The following TMEM50B variants were observed in gnomAD, a reference collection of about 807,000 sequenced individuals.
The protein encoded by TMEM50B is transmembrane protein 50B.
In TMEM50B, 14 loss-of-function variants were observed where a neutral mutation model predicts 23.4. That is an observed-to-expected ratio of 0.60 (90% CI 0.39 to 0.93). The LOEUF is 0.93. TMEM50B is among the 40% of genes least tolerant of loss of function. TMEM50B has a pLI of 0.00. For missense variants in TMEM50B, 159 were observed against 193.0 expected (o/e 0.82, Z 1.04); for synonymous variants, 64 against 62.3 (o/e 1.03, Z -0.13).
chr21:33,457,118 G>C (rs771311880), intron 5 of TMEM50B, among the ~76,000 whole-genome samples: 2 of 151,786 alleles, frequency 1.3e-5, no homozygotes. Context: ...GCCAAGTGTG[G>C]TGGTGGATGG....
At chr21:33,459,436 T>C (rs1357746939) in intron 5 of TMEM50B, among the ~76,000 whole-genome samples, 3 of 151,992 alleles carry the variant, frequency 2.0e-5, no homozygotes, top group Non-Finnish European at 4.4e-5. Flanking sequence ...GAGACCAAGA[T>C]GGGTGGATCA....
chr21:33,447,351 G>A (rs569005804), downstream of TMEM50B, among the ~76,000 whole-genome samples: 16 of 86,742 alleles, frequency 1.8e-4, no homozygotes, highest in Admixed American at 3.5e-4. Context: ...AGTAGACTGA[G>A]GGGAGGACTG....
rs1008179902 is a variant in TMEM50B at position 33,450,593 on chromosome 21, C to T, written c.*225G>A. 5 of 401,856 alleles carry T rather than the reference C, an allele frequency of 1.2e-5. No homozygotes were observed. The highest frequency in any genetic ancestry group is 2.1e-5 in the African/African-American group (1 of 48,584). The allele number at this position is 401,856 out of a possible 1,614,324, so 24.9% of individuals were successfully genotyped here. A position where few individuals can be genotyped will look rare whatever the true frequency, so the allele number is the denominator to read the frequency against. The stretch of plus-strand genomic sequence containing the variant: ...AAATCTCAGGAATAAAAAACTGATA[C>T]TCATTATCCAATTCATATAGTCTTG... On this transcript the variant is annotated 3_prime_UTR_variant, in exon 7 of 7. Coordinates refer to ENST00000542230, the MANE Select transcript of TMEM50B (RefSeq NM_006134.7).
At chr21:33,437,348 C>G (rs2083966603) in intron 8 of TMEM50B, 2 of 228,126 alleles carry the variant, frequency 8.8e-6, no homozygotes. Flanking sequence ...GCCGGAGCCC[C>G]TTGGGCAGGT....
At chr21:33,457,827 C>T (rs1238452469) in intron 5 of TMEM50B, among the ~76,000 whole-genome samples, 2 of 152,114 alleles carry the variant, frequency 1.3e-5, no homozygotes, top group Non-Finnish European at 2.9e-5. Context: ...GAGGCTATCT[C>T]CCTACTCTGA....
At chr21:33,464,195 T>TA (rs2084242819) in intron 4 of TMEM50B, among the ~76,000 whole-genome samples, 1 of 127,316 alleles carries the variant, frequency 7.9e-6, no homozygotes, top group Admixed American at 8.3e-5. Flanking sequence ...TATTATAATG[T>TA]AAATTTTTTT....
At chr21:33,475,492 G>A (rs1854424391) in intron 1 of TMEM50B, among the ~76,000 whole-genome samples, 1 of 151,922 alleles carries the variant, frequency 6.6e-6, no homozygotes, top group Admixed American at 6.6e-5. Context: ...GATTACAGGG[G>A]CCCATCACCA....
At chr21:33,443,914 G>GT (rs1039657955) in intron 7 of TMEM50B, among the ~76,000 whole-genome samples, 13 of 151,932 alleles carry the variant, frequency 8.6e-5, no homozygotes, top group African/African-American at 2.4e-4. Context: ...TTGTTTGTTT[G>GT]TTTTTTTACA....
chr21:33,445,830 T>G (rs1202870371), downstream of TMEM50B, among the ~76,000 whole-genome samples: 2 of 152,104 alleles, frequency 1.3e-5, no homozygotes, highest in Non-Finnish European at 2.9e-5. Context: ...GAATCACTTA[T>G]TATTTCCAGG....
At chr21:33,465,245 A>T in intron 4 of TMEM50B, 97 bp downstream of exon 4, 1 of 782,472 alleles carries the variant, frequency 1.3e-6, no homozygotes, top group Non-Finnish European at 2.1e-6. Context: ...CTATATAATC[A>T]TTACCAGTCT....
chr21:33,458,071 C>T (rs1449542362), intron 5 of TMEM50B, among the ~76,000 whole-genome samples: 1 of 152,174 alleles, frequency 6.6e-6, no homozygotes, highest in Admixed American at 6.5e-5. Flanking sequence ...GCTGCTCATG[C>T]TGCTGGGTGA....
At chr21:33,469,574 T>TA (rs2084294050) in intron 1 of TMEM50B, 2 of 152,140 alleles carry the variant, frequency 1.3e-5, no homozygotes. Flanking sequence ...ACCAGTAGAG[T>TA]AGAGGAAGTG....
intron 5 of TMEM50B, 53 bp downstream of exon 5, chr21:33,460,360 T>C: frequency 2.6e-6 from 3 of 1,169,594 alleles, no homozygotes; most frequent in Admixed American, 1.8e-5. Context: ...AAGCCAAATA[T>C]AAAAGACATA....
chr21:33,464,420 G>A (rs892337420), intron 4 of TMEM50B, among the ~76,000 whole-genome samples: 22 of 150,360 alleles, frequency 1.5e-4, no homozygotes, highest in Non-Finnish European at 7.4e-5. Context: ...GGCTGGTCTC[G>A]AACTCCTGAC....
intron 1 of TMEM50B, chr21:33,469,682 T>C (rs1315718002): frequency 1.3e-5 from 2 of 152,160 alleles, no homozygotes; most frequent in Non-Finnish European, 2.9e-5. Context: ...TGGGCTACCA[T>C]GCTGTAAGGA....
At chr21:33,433,981 G>A (rs2284555) in intron 8 of TMEM50B, among the ~76,000 whole-genome samples, 88,459 of 151,526 alleles carry the variant, frequency 0.58, 27,822 homozygotes, top group East Asian at 0.82. Context: ...CCCACAGGGT[G>A]CTTAGGAGGG....
Position 33,479,895 on chromosome 21 carries a change from G to A in TMEM50B, c.-99C>T, listed in dbSNP as rs1456376715. 6.6e-6 allele frequency: 1 copy of A among 152,292 alleles called. No homozygotes were observed. The highest frequency in any genetic ancestry group is 2.4e-5 in the African/African-American group (1 of 41,460). The allele number at this position is 152,292 out of a possible 1,614,324, so 9.4% of individuals were successfully genotyped here. On this transcript the variant is annotated 5_prime_UTR_variant, in exon 1 of 7. Coordinates refer to ENST00000542230, the MANE Select transcript of TMEM50B (RefSeq NM_006134.7). ...GCGCGCGCGCAGGAAGGAGACTGCT[G>A]CGCCACAACCCTGCCGGCGTCCCGC... is the stretch of plus-strand genomic sequence containing the variant.
intron 7 of TMEM50B, among the ~76,000 whole-genome samples, chr21:33,440,878 C>T (rs2084002542): frequency 6.6e-6 from 1 of 151,706 alleles, no homozygotes; most frequent in South Asian, 2.1e-4. Context: ...AAGACTCTGT[C>T]TCAAAAAATA....
At chr21:33,456,213 G>C (rs567096680) in intron 5 of TMEM50B, 1 of 430,016 alleles carries the variant, frequency 2.3e-6, no homozygotes, top group Non-Finnish European at 4.8e-6. Context: ...TAAAGAAATG[G>C]GGCCTCACTA....
Sources: allele counts gnomAD v4.1 joint callset (sites outside exome capture counted in the v4.1 genomes callset), GRCh38; gene constraint gnomAD v4.1.1; transcripts MANE v1.5; gene names NCBI Gene and HGNC (gene_info 2026-07-23, HGNC 2026-07-21).